ANO1: variants seen among roughly 807,000 people sequenced by gnomAD.
The protein encoded by ANO1 is anoctamin 1.
ANO1 carries 59 observed loss-of-function variants against 124.0 expected under a neutral mutation model. The ratio of observed to expected loss-of-function variants is 0.48; its 90% confidence interval spans 0.39 to 0.59. The LOEUF (loss-of-function observed/expected upper bound fraction) is 0.59, where lower values mean the gene tolerates loss of function less well. Ranked by LOEUF, ANO1 falls within the 20% of genes least tolerant of loss-of-function variation. The probability of loss-of-function intolerance (pLI) is 0.00; values close to 1 mark genes in which losing one functional copy is unlikely to be tolerated. For synonymous variants in ANO1, 529 were observed against 532.0 expected, an observed-to-expected ratio of 0.99 and a Z score of 0.08; for missense variants, 1,059 against 1,328.0, an observed-to-expected ratio of 0.80 and a Z score of 3.15.
chr11:69,967,952 T>A, the ANO1 span, among the ~76,000 whole-genome samples: 1 of 152,208 alleles, frequency 6.6e-6, no homozygotes, highest in Non-Finnish European at 1.5e-5. Context: ...GAGTGGCTGC[T>A]GGGCCTGCTG....
At chr11:70,116,592 G>A (rs1043832742) in intron 8 of ANO1, 93 bp downstream of exon 8, 102 of 1,234,894 alleles carry the variant, frequency 8.3e-5, no homozygotes, top group African/African-American at 6.0e-4. Context: ...AGGACTTACC[G>A]GCCTCCAGGG....
intron 22 of ANO1, among the ~76,000 whole-genome samples, chr11:70,178,722 C>T (rs61885518): frequency 6.6e-6 from 1 of 152,200 alleles, no homozygotes; most frequent in Admixed American, 6.5e-5. Flanking sequence ...TGCCACGACG[C>T]CTGGCTAATT....
At chr11:70,053,362 A>C (rs1857383830) in intron 1 of ANO1, among the ~76,000 whole-genome samples, 1 of 152,196 alleles carries the variant, frequency 6.6e-6, no homozygotes. Flanking sequence ...TTCCAACATC[A>C]GGGTACAGCT....
intron 10 of ANO1, among the ~76,000 whole-genome samples, chr11:70,131,108 C>T (rs1048736272): frequency 1.3e-5 from 2 of 152,178 alleles, no homozygotes; most frequent in African/African-American, 2.4e-5. Context: ...TGGGGGCAGG[C>T]TGGGAACTCT....
At chr11:70,138,059 A>G (rs966619079) in intron 11 of ANO1, among the ~76,000 whole-genome samples, 1 of 147,594 alleles carries the variant, frequency 6.8e-6, no homozygotes. Context: ...AAAGAATAAC[A>G]GCTGGCTGGG....
Position 70,136,936 on chromosome 11 carries a change from C to CGCTGG in ANO1, c.1258+4861_1258+4862insGGCTG, listed in dbSNP as rs2046976209. Among the ~76,000 whole-genome samples the CGCTGG allele has an allele frequency of 1.4e-5, 2 of 147,260 alleles. 1 individual carries two copies. The highest frequency in any genetic ancestry group is 4.7e-4 in the South Asian group (2 of 4,266). ...AGTTCCAGTGGTGAGCAGTGAGACA[C>CGCTGG]GCTGAGCTGGGCTGGCCAGGGAGGG... On this transcript the variant is annotated intron_variant, in intron 11 of 25. Transcript: ENST00000355303.
chr11:69,986,706 G>A (rs1856050350), intron 1 of ANO1, among the ~76,000 whole-genome samples: 1 of 152,090 alleles, frequency 6.6e-6, no homozygotes. Flanking sequence ...TAGGCCGGAG[G>A]GGGAGTCCCT....
At chr11:70,156,925 C>A in intron 15 of ANO1, 22 bp from the exon 16 acceptor site, 2 of 1,610,678 alleles carry the variant, frequency 1.2e-6, no homozygotes, top group Non-Finnish European at 1.7e-6. Flanking sequence ...CAGACAGTGA[C>A]CGGCATTGTT....
At chr11:69,994,229 C>T (rs1263617429) in intron 1 of ANO1, among the ~76,000 whole-genome samples, 1 of 152,156 alleles carries the variant, frequency 6.6e-6, no homozygotes, top group African/African-American at 2.4e-5. Context: ...GAATTAAACC[C>T]ACCATTTTGT....
At chr11:70,013,577 G>A (rs913278110) in intron 1 of ANO1, among the ~76,000 whole-genome samples, 23 of 151,994 alleles carry the variant, frequency 1.5e-4, no homozygotes, top group Admixed American at 3.9e-4. Flanking sequence ...CCAGGAGTTT[G>A]AGACCAGCCT....
intron 2 of ANO1, among the ~76,000 whole-genome samples, chr11:70,101,772 C>T (rs946396430): frequency 1.3e-5 from 2 of 152,028 alleles, no homozygotes; most frequent in Non-Finnish European, 2.9e-5. Flanking sequence ...GGCCGGCACT[C>T]GCTCTTCCTC....
chr11:70,108,367 G>T lies in ANO1; in HGVS notation c.762G>T (p.Leu254Phe). 6.2e-7 allele frequency: 1 copy of T among 1,612,532 alleles called. No individual in the cohort carries two copies. The highest frequency in any genetic ancestry group is 1.1e-5 in the South Asian group (1 of 90,934). Residue 254 changes from leucine (L) to phenylalanine (F), a missense_variant, in exon 6 of 26, where the codon TTG becomes TTT. Around this residue, in one of 2 missense-constraint regions of ANO1, gnomAD observed 809 missense variants for 1,094.9 expected, o/e 0.74. Coordinates refer to ENST00000355303, the MANE Select transcript of ANO1 (RefSeq NM_018043.7). ...KTRSTIVYEI[L>F]KRTTCTKAKY... ...CTCTGCAATAGGTCTATGAGATCTTGAAGAGAACGACGTGTACAAAGGCCA... is the reference window on the plus strand; with the variant it reads ...CTCTGCAATAGGTCTATGAGATCTTTAAGAGAACGACGTGTACAAAGGCCA...
intron 1 of ANO1, among the ~76,000 whole-genome samples, chr11:70,010,189 A>ATATATATATATATATATATATC (rs1856575795): frequency 1.2e-5 from 1 of 83,546 alleles, no homozygotes; most frequent in Non-Finnish European, 2.7e-5. Flanking sequence ...GTATATATAT[A>ATATATATATATATATATATATC]TATATATATC....
At chr11:70,021,332 G>A (rs1057119670) in intron 1 of ANO1, among the ~76,000 whole-genome samples, 36 of 152,302 alleles carry the variant, frequency 2.4e-4, no homozygotes, top group East Asian at 2.1e-3. Context: ...ACGTTGGTTA[G>A]GCCTCGTGCA....
At chr11:69,979,464 A>C in the ANO1 span, among the ~76,000 whole-genome samples, 1 of 152,198 alleles carries the variant, frequency 6.6e-6, no homozygotes, top group African/African-American at 2.4e-5. Context: ...TCTCTGCGTC[A>C]GTTTCCTGAG....
chr11:70,098,825 G>C (rs1027184611), intron 2 of ANO1, among the ~76,000 whole-genome samples: 2 of 152,164 alleles, frequency 1.3e-5, no homozygotes, highest in African/African-American at 4.8e-5. Flanking sequence ...GGGACCCTCA[G>C]CATCCCTGCC....
intron 22 of ANO1, 136 bp from the exon 23 acceptor site, chr11:70,179,868 T>G: frequency 1.3e-6 from 1 of 748,280 alleles, no homozygotes; most frequent in South Asian, 1.6e-5. Context: ...CAAATGACTC[T>G]TGGTTGCCAT....
intron 1 of ANO1, among the ~76,000 whole-genome samples, chr11:69,991,180 A>T (rs548772872): frequency 2.0e-5 from 3 of 152,322 alleles, no homozygotes; most frequent in Non-Finnish European, 2.9e-5. Flanking sequence ...TCTGCATGTG[A>T]ATATCCATTT....
the ANO1 span, among the ~76,000 whole-genome samples, chr11:69,977,355 G>A: frequency 0.38 from 58,013 of 152,160 alleles, 12,639 homozygotes; most frequent in South Asian, 0.6. Context: ...ACCATGAAAC[G>A]TGGTCACGAA....
Sources: allele counts gnomAD v4.1 joint callset (sites outside exome capture counted in the v4.1 genomes callset), GRCh38; gene constraint gnomAD v4.1.1; regional missense constraint gnomAD v4.1.1; transcripts MANE v1.5; gene names NCBI Gene and HGNC (gene_info 2026-07-23, HGNC 2026-07-21).